Variants in ASIC2 observed in about 807,000 individuals in gnomAD.
The protein encoded by ASIC2 is acid sensing ion channel subunit 2.
A neutral mutation model predicts 57.3 loss-of-function variants in ASIC2; 25 were observed. That is an observed-to-expected ratio of 0.44 (90% CI 0.32 to 0.61). The LOEUF (loss-of-function observed/expected upper bound fraction) is 0.61, where lower values mean the gene tolerates loss of function less well. ASIC2 is among the 20% of genes least tolerant of loss of function. ASIC2 has a pLI of 0.06. For missense variants in ASIC2, 641 were observed against 738.1 expected (o/e 0.87, Z 1.52); for synonymous variants, 319 against 307.5 (o/e 1.04, Z -0.39).
intron 1 of ASIC2, among the ~76,000 whole-genome samples, chr17:33,306,240 C>T (rs762788823): frequency 2.6e-5 from 4 of 152,318 alleles, no homozygotes; most frequent in East Asian, 3.9e-4. Flanking sequence ...TTGGAATTCT[C>T]AGGCGGTAAG....
intron 1 of ASIC2, among the ~76,000 whole-genome samples, chr17:33,562,589 C>T (rs548406176): frequency 9.8e-4 from 149 of 152,278 alleles, no homozygotes; most frequent in Non-Finnish European, 1.9e-3. Flanking sequence ...TCTTGTGCAT[C>T]GGAGTGAGTC....
intron 1 of ASIC2, among the ~76,000 whole-genome samples, chr17:33,547,471 G>T (rs942184132): frequency 1.4e-4 from 21 of 152,046 alleles, no homozygotes; most frequent in African/African-American, 4.6e-4. Context: ...CTCCTGGTCT[G>T]GACCCAGCTT....
In ASIC2 at chr17:33,962,481, C is replaced by T. The variant is rs557442316; in HGVS notation, c.555+193497G>A. Reference sequence around the variant, plus strand: ...GCTCAGTCCGTTCTTCATCCCAGAGCCACAGTGAATTCTGAAGCTATTCTA... The same window carrying T: ...GCTCAGTCCGTTCTTCATCCCAGAGTCACAGTGAATTCTGAAGCTATTCTA... On this transcript the variant is annotated intron_variant, in intron 1 of 9. Transcript: ENST00000359872. Among the ~76,000 whole-genome samples, 4 of 152,290 alleles carry T rather than the reference C, an allele frequency of 2.6e-5. No individual in the cohort carries two copies. The South Asian group carries it at 8.3e-4, about 32-fold the overall frequency.
At chr17:33,681,486 G>A (rs975042326) in intron 1 of ASIC2, among the ~76,000 whole-genome samples, 1 of 108,804 alleles carries the variant, frequency 9.2e-6, no homozygotes, top group Non-Finnish European at 1.7e-5. Flanking sequence ...ACCAGTTTAG[G>A]GTGACCCTAA....
intron 1 of ASIC2, among the ~76,000 whole-genome samples, chr17:33,403,948 C>T (rs1910375341): frequency 6.6e-6 from 1 of 152,190 alleles, no homozygotes; most frequent in African/African-American, 2.4e-5. Flanking sequence ...GACCCATGGA[C>T]TTGTTAATAG....
chr17:33,746,715 C>T (rs762834370), intron 1 of ASIC2, among the ~76,000 whole-genome samples: 1 of 151,948 alleles, frequency 6.6e-6, no homozygotes, highest in Non-Finnish European at 1.5e-5. Flanking sequence ...CAACACTATA[C>T]ATAAATCAGT....
At chr17:33,320,317 G>T (rs1377468146) in intron 1 of ASIC2, among the ~76,000 whole-genome samples, 2 of 152,118 alleles carry the variant, frequency 1.3e-5, no homozygotes, top group African/African-American at 4.8e-5. Context: ...TCTTATTTCA[G>T]CTGGTGGGCT....
At chr17:33,229,250 G>A (rs1908000802) in intron 1 of ASIC2, among the ~76,000 whole-genome samples, 1 of 152,184 alleles carries the variant, frequency 6.6e-6, no homozygotes, top group Admixed American at 6.5e-5. Context: ...GAGCTGATAA[G>A]CCCTACGGAA....
chr17:33,195,982 A>G (rs1157709302), intron 1 of ASIC2, among the ~76,000 whole-genome samples: 1 of 152,196 alleles, frequency 6.6e-6, no homozygotes, highest in African/African-American at 2.4e-5. Context: ...TGGCAATTAC[A>G]CATGCCCTGT....
intron 2 of ASIC2, among the ~76,000 whole-genome samples, chr17:33,092,075 C>T (rs2092159987): frequency 3.3e-5 from 5 of 152,218 alleles, no homozygotes; most frequent in Admixed American, 3.3e-4. Context: ...TCTTGCCTTC[C>T]TAAGCAGGTG....
chr17:33,338,785 T>C (rs942875093), intron 1 of ASIC2, among the ~76,000 whole-genome samples: 2 of 152,118 alleles, frequency 1.3e-5, no homozygotes, highest in African/African-American at 4.8e-5. Flanking sequence ...GACTATAATA[T>C]AGATGAACCT....
intron 1 of ASIC2, among the ~76,000 whole-genome samples, chr17:33,384,928 GC>G (rs1909619662): frequency 6.6e-6 from 1 of 152,176 alleles, no homozygotes. Flanking sequence ...CTGATGTGAA[GC>G]CCATCCCCCA....
chr17:33,830,027 T>C (rs907457912), intron 1 of ASIC2, among the ~76,000 whole-genome samples: 11 of 152,242 alleles, frequency 7.2e-5, no homozygotes, highest in African/African-American at 2.7e-4. Context: ...TGCTTGCATG[T>C]GTTCAACAAA....
intron 1 of ASIC2, among the ~76,000 whole-genome samples, chr17:33,216,268 G>A (rs395077): frequency 0.7 from 106,702 of 152,074 alleles, 37,683 homozygotes; most frequent in Non-Finnish European, 0.75. Flanking sequence ...TGATGTCTAA[G>A]CAAAAACTCT....
chr17:34,043,402 A>G (rs1199397056), intron 1 of ASIC2, among the ~76,000 whole-genome samples: 1 of 152,234 alleles, frequency 6.6e-6, no homozygotes, highest in African/African-American at 2.4e-5. Context: ...GGGAAGCAGT[A>G]ACATTATTAG....
At chr17:33,321,535 C>T (rs1372707816) in intron 1 of ASIC2, among the ~76,000 whole-genome samples, 1 of 152,166 alleles carries the variant, frequency 6.6e-6, no homozygotes, top group Admixed American at 6.5e-5. Flanking sequence ...CATTAAAATA[C>T]TTATTCCTAT....
chr17:33,080,619 A>G (rs1254773709), intron 3 of ASIC2, among the ~76,000 whole-genome samples: 1 of 152,222 alleles, frequency 6.6e-6, no homozygotes, highest in African/African-American at 2.4e-5. Flanking sequence ...GAGATAAACA[A>G]AAATAACTAA....
intron 1 of ASIC2, among the ~76,000 whole-genome samples, chr17:33,883,648 C>T (rs1914757186): frequency 6.6e-6 from 1 of 152,190 alleles, no homozygotes; most frequent in South Asian, 2.1e-4. Context: ...CTGGCCATCT[C>T]CTCATGAACG....
intron 1 of ASIC2, among the ~76,000 whole-genome samples, chr17:33,344,339 T>A (rs1907857943): frequency 6.6e-6 from 1 of 152,156 alleles, no homozygotes; most frequent in South Asian, 2.1e-4. Flanking sequence ...AAATGAAGAC[T>A]CTTCCTGCAG....
Sources: gnomAD v4.1 joint callset for allele counts (sites outside exome capture counted in the v4.1 genomes callset) on GRCh38, gnomAD v4.1.1 for gene constraint, MANE v1.5 for transcripts, NCBI Gene and HGNC (gene_info 2026-07-23, HGNC 2026-07-21) for gene names.